The following OXR1 variants were observed in gnomAD, a reference collection of about 807,000 sequenced individuals.
The protein encoded by OXR1 is oxidation resistance 1.
Under a neutral mutation model 104.6 loss-of-function variants are expected in OXR1, and 41 were observed. The observed-to-expected ratio is 0.39, with a 90% confidence interval of 0.31 to 0.51. The LOEUF (loss-of-function observed/expected upper bound fraction) is 0.51. Among genes scored for constraint, OXR1 ranks in the 20% least tolerant of loss-of-function variants. The pLI is 0.77. For synonymous variants in OXR1, 348 were observed against 348.4 expected (o/e 1.00, Z 0.01); for missense variants, 955 against 1,031.9 (o/e 0.93, Z 1.02).
chr8:106,548,033 T>G (rs1165601381), intron 3 of OXR1, among the ~76,000 whole-genome samples: 1 of 152,198 alleles, frequency 6.6e-6, no homozygotes, highest in Non-Finnish European at 1.5e-5. Context: ...TTTTAATTTT[T>G]TGAGGAGCCA....
chr8:106,590,642 A>G (rs1301253615), intron 3 of OXR1, among the ~76,000 whole-genome samples: 3 of 152,220 alleles, frequency 2.0e-5, no homozygotes, highest in Non-Finnish European at 4.4e-5. Context: ...TAGGCTATGC[A>G]TAGCCCCATG....
At chr8:106,653,882 A>T (rs1339280356) in intron 3 of OXR1, among the ~76,000 whole-genome samples, 1 of 152,064 alleles carries the variant, frequency 6.6e-6, no homozygotes. Flanking sequence ...TAATGAGTCC[A>T]GCAAGGTTGT....
At chr8:106,687,213 C>T (rs1161692429) in intron 6 of OXR1, among the ~76,000 whole-genome samples, 3 of 152,116 alleles carry the variant, frequency 2.0e-5, no homozygotes, top group Non-Finnish European at 2.9e-5. Context: ...TCTCCTAGCT[C>T]CTTCCCTGTA....
intron 6 of OXR1, among the ~76,000 whole-genome samples, chr8:106,689,165 A>C (rs1272310252): frequency 6.6e-6 from 1 of 152,138 alleles, no homozygotes; most frequent in Non-Finnish European, 1.5e-5. Context: ...TATTGGTACG[A>C]CCATGCTCCT....
At chr8:106,372,854 T>A (rs1445487664) in intron 2 of OXR1, among the ~76,000 whole-genome samples, 1 of 152,228 alleles carries the variant, frequency 6.6e-6, no homozygotes, top group African/African-American at 2.4e-5. Flanking sequence ...AGAGATGTCA[T>A]CTATAGAAAC....
At chr8:106,294,097 A>G (rs574519087) in intron 1 of OXR1, among the ~76,000 whole-genome samples, 1 of 151,110 alleles carries the variant, frequency 6.6e-6, no homozygotes, top group Non-Finnish European at 1.5e-5. Context: ...CTTGCATTGC[A>G]ATAAAGAAAG....
At chr8:106,559,181 G>A (rs1436922368) in intron 3 of OXR1, among the ~76,000 whole-genome samples, 4 of 152,122 alleles carry the variant, frequency 2.6e-5, no homozygotes, top group Admixed American at 2.0e-4. Flanking sequence ...ACACAATTCA[G>A]CCAGGTTCTT....
At chr8:106,313,149 T>A (rs1028049081) in intron 1 of OXR1, among the ~76,000 whole-genome samples, 2 of 152,176 alleles carry the variant, frequency 1.3e-5, no homozygotes, top group African/African-American at 4.8e-5. Flanking sequence ...CACAATGATA[T>A]GTGAATCATT....
chr8:106,270,179 T>C (rs923376631), upstream of OXR1: 5 of 152,210 alleles, frequency 3.3e-5, no homozygotes, highest in African/African-American at 4.8e-5. Context: ...AAACTGAGCA[T>C]GTCTGCAAGC....
chr8:106,502,942 G>A (rs1811907119), intron 2 of OXR1, among the ~76,000 whole-genome samples: 2 of 152,096 alleles, frequency 1.3e-5, no homozygotes, highest in South Asian at 4.1e-4. Context: ...CTTCTGGCAA[G>A]GCAAAATTGA....
At chr8:106,436,793 G>A (rs568189456) in intron 2 of OXR1, among the ~76,000 whole-genome samples, 2 of 152,182 alleles carry the variant, frequency 1.3e-5, no homozygotes, top group Admixed American at 1.3e-4. Flanking sequence ...GGTCACCCTA[G>A]AAGACCAGCC....
intron 2 of OXR1, among the ~76,000 whole-genome samples, chr8:106,413,532 G>A (rs1259250922): frequency 6.6e-6 from 1 of 152,040 alleles, no homozygotes; most frequent in Non-Finnish European, 1.5e-5. Flanking sequence ...CACATTTTCA[G>A]TAACACTGAA....
intron 10 of OXR1, among the ~76,000 whole-genome samples, chr8:106,711,441 T>A (rs1831681328): frequency 6.6e-6 from 1 of 152,154 alleles, no homozygotes; most frequent in East Asian, 1.9e-4. Context: ...ATTTCCATAA[T>A]ACCACCTCAC....
At chr8:106,597,474 G>A (rs567714091) in intron 3 of OXR1, among the ~76,000 whole-genome samples, 1 of 152,182 alleles carries the variant, frequency 6.6e-6, no homozygotes, top group South Asian at 2.1e-4. Flanking sequence ...CAGGCTGAAT[G>A]GACTAAGAAA....
intron 11 of OXR1, among the ~76,000 whole-genome samples, chr8:106,714,705 C>T (rs899823154): frequency 6.6e-6 from 1 of 152,036 alleles, no homozygotes; most frequent in African/African-American, 2.4e-5. Context: ...TTAGTCTCTT[C>T]TTGATGCATT....
rs1371897066 is a variant in OXR1 at position 106,712,112 on chromosome 8, T to C, written c.1793+1322T>C. Among the ~76,000 whole-genome samples, 3 of 152,116 alleles carry C rather than the reference T, an allele frequency of 2.0e-5. No homozygotes were observed. The East Asian group carries it at 5.8e-4, about 29-fold the overall frequency. ...TCTTTATAAGTACTGAGAAGCTTTG[T>C]TCATAGAAAAGTCAGTGAGACTGAA... On this transcript the variant is annotated intron_variant, in intron 10 of 16. Coordinates refer to ENST00000517566, the MANE Select transcript of OXR1 (RefSeq NM_001198533.2).
In OXR1 at chr8:106,726,423, A is replaced by C. The variant is rs1180218299; in HGVS notation, c.1957-11097A>C. ...AGCATAGAGGATATTTATAGAATAC[A>C]AAATTTTATGATTGTACAAAGTACC... is the stretch of plus-strand genomic sequence containing the variant. On this transcript the variant is annotated intron_variant, in intron 11 of 16. Coordinates refer to ENST00000517566, the MANE Select transcript of OXR1 (RefSeq NM_001198533.2). 1.0e-5 allele frequency: 6 copies of C among 588,782 alleles called. No individual in the cohort carries two copies. The East Asian group carries it at 1.9e-4, about 19-fold the overall frequency. The allele number at this position is 588,782 out of a possible 1,614,324, so 36.5% of individuals were successfully genotyped here.
At chr8:106,300,104 T>C (rs1458338426) in intron 1 of OXR1, among the ~76,000 whole-genome samples, 1 of 152,188 alleles carries the variant, frequency 6.6e-6, no homozygotes, top group African/African-American at 2.4e-5. Flanking sequence ...GGGGAAAGCA[T>C]AAAGATACAT....
chr8:106,677,941 C>T (rs1827769137), intron 3 of OXR1, among the ~76,000 whole-genome samples: 1 of 152,018 alleles, frequency 6.6e-6, no homozygotes, highest in Non-Finnish European at 1.5e-5. Flanking sequence ...TGCCATGTGT[C>T]AGGCCCCTAG....
Sources: allele counts gnomAD v4.1 joint callset (sites outside exome capture counted in the v4.1 genomes callset), GRCh38; gene constraint gnomAD v4.1.1; transcripts MANE v1.5; gene names NCBI Gene and HGNC (gene_info 2026-07-23, HGNC 2026-07-21).